The following EFCAB6 variants were observed in gnomAD, a reference collection of about 807,000 sequenced individuals.
EFCAB6 encodes the protein EF-hand calcium binding domain 6.
A neutral mutation model predicts 169.8 loss-of-function variants in EFCAB6; 156 were observed. That is an observed-to-expected ratio of 0.92 (90% CI 0.81 to 1.05). The LOEUF (loss-of-function observed/expected upper bound fraction) is 1.05. Among genes scored for constraint, EFCAB6 ranks in the 50% least tolerant of loss-of-function variants. The pLI is 0.00. For missense variants in EFCAB6, 1,800 were observed against 1,829.1 expected (o/e 0.98, Z 0.29); for synonymous variants, 698 against 676.4 (o/e 1.03, Z -0.50).
In EFCAB6 at chr22:43,537,394, T is replaced by C; in HGVS notation, c.4031A>G (p.Asn1344Ser). 1 of 1,614,004 alleles carries C rather than the reference T, an allele frequency of 6.2e-7. No individual in the cohort carries two copies. The highest frequency in any genetic ancestry group is 8.5e-7 in the Non-Finnish European group (1 of 1,179,974). Reference sequence around the variant, plus strand: ...GAACGAACCCAGGAAATCGGAGGCGTTGATGTCCCCCTGTCTGGCCACGTC... The same window carrying C: ...GAACGAACCCAGGAAATCGGAGGCGCTGATGTCCCCCTGTCTGGCCACGTC... ...EKDVARQGDI[N>S]ASDFLALVEK... Residue 1344 changes from asparagine to serine, a missense_variant, in exon 29 of 32, where the codon AAC becomes AGC. Physicochemically the swap from Asn to Ser is conservative, Grantham distance 46 (BLOSUM62 1). Coordinates refer to ENST00000262726, the MANE Select transcript of EFCAB6 (RefSeq NM_022785.4). This position sits in a 1 kb window ranked among gnomAD's most constrained non-coding sequence, Gnocchi z 4.3.
rs1043236242 is a variant in EFCAB6 at position 43,743,444 on chromosome 22, C to T, written c.508-7451G>A. Among the ~76,000 whole-genome samples, 5 of 152,204 alleles carry T rather than the reference C, an allele frequency of 3.3e-5. No individual in the cohort carries two copies. In the South Asian group the frequency reaches 8.3e-4, roughly 25 times the overall value. ...GAAATGAGGCTTCAAATCCCAGCTC[C>T]GCACCTGTTATTCAGGTAACCTGGG... On this transcript the variant is annotated intron_variant, in intron 6 of 31. Transcript: ENST00000262726.
chr22:43,598,609 G>T (rs893580089), intron 23 of EFCAB6, among the ~76,000 whole-genome samples: 7 of 152,092 alleles, frequency 4.6e-5, no homozygotes, highest in African/African-American at 1.4e-4. Context: ...AAAGTAGCTA[G>T]ATTTAATTGT....
intron 23 of EFCAB6, among the ~76,000 whole-genome samples, chr22:43,592,565 A>G (rs1224401553): frequency 6.6e-6 from 1 of 152,204 alleles, no homozygotes; most frequent in African/African-American, 2.4e-5. Context: ...CACAGAGTAA[A>G]TGAGGGTTTA....
At chr22:43,676,330 T>C (rs1055015340) in intron 13 of EFCAB6, among the ~76,000 whole-genome samples, 5 of 151,096 alleles carry the variant, frequency 3.3e-5, no homozygotes, top group Non-Finnish European at 7.4e-5. Context: ...GGCAGGAGAA[T>C]TGCTTGAACC....
intron 26 of EFCAB6, among the ~76,000 whole-genome samples, chr22:43,568,350 T>G (rs145782391): frequency 6.6e-5 from 10 of 152,330 alleles, no homozygotes; most frequent in Non-Finnish European, 8.8e-5. Flanking sequence ...AAGACTTATT[T>G]GGGACAATAC....
chr22:43,545,939 A>T (rs2048031115), intron 27 of EFCAB6, among the ~76,000 whole-genome samples: 1 of 152,178 alleles, frequency 6.6e-6, no homozygotes, highest in Non-Finnish European at 1.5e-5. Context: ...TGAAATAAAA[A>T]TCACTAAACA....
chr22:43,797,636 CCTA>C (rs1556420876), intron 2 of EFCAB6, among the ~76,000 whole-genome samples: 2 of 152,060 alleles, frequency 1.3e-5, no homozygotes, highest in Non-Finnish European at 2.9e-5. Context: ...CACACACACC[CCTA>C]CTGTGGTCCC....
In EFCAB6 at chr22:43,682,070, C is replaced by T. The variant is rs1177664372; in HGVS notation, c.1251+1677G>A. 6.6e-5 allele frequency among the ~76,000 whole-genome samples: 10 copies of T among 152,168 alleles called. No individual in the cohort carries two copies. In the South Asian group the frequency reaches 8.3e-4, roughly 13 times the overall value. On this transcript the variant is annotated intron_variant, in intron 12 of 31. Coordinates refer to ENST00000262726, the MANE Select transcript of EFCAB6 (RefSeq NM_022785.4). ...GACTGCCCTGAGCAGCCAGGCAAAA[C>T]GCCCAGCCCTGCCCACTCCTGGCTC...
Position 43,735,890 on chromosome 22 carries a change from AAGGTCTCC to A in EFCAB6, c.603_610del (p.Glu202LeufsTer37), listed in dbSNP as rs1258956034. On this transcript the variant is annotated frameshift_variant, in exon 7 of 32. Transcript: ENST00000262726. LOFTEE classifies it high-confidence loss of function. ...TTCCTCGTCTCTTAACTTCATACAGAAGGTCTCCAGAACCCTTCTTAGCTCCTGCGGTC... is the reference window on the plus strand; with the variant it reads ...TTCCTCGTCTCTTAACTTCATACAGAAGAACCCTTCTTAGCTCCTGCGGTC... The A allele has an allele frequency of 3.1e-6, 5 of 1,614,070 alleles. No homozygotes were observed. The highest frequency in any genetic ancestry group is 3.3e-5 in the Admixed American group (2 of 60,008).
In EFCAB6 at chr22:43,660,388, C is replaced by T. The variant is rs1423578634; in HGVS notation, c.1983+6716G>A. ...ACAACAGGCACCCTCAAAATGCCTA[C>T]TGAGAGAAAAGGTGGCAGACAGCTA... On this transcript the variant is annotated intron_variant, in intron 17 of 31. Transcript: ENST00000262726. Among the ~76,000 whole-genome samples, 3 of 152,076 alleles carry T rather than the reference C, an allele frequency of 2.0e-5. No homozygotes were observed. The East Asian group carries it at 5.8e-4, about 29-fold the overall frequency.
intron 13 of EFCAB6, among the ~76,000 whole-genome samples, chr22:43,675,346 A>G (rs1244090913): frequency 7.5e-6 from 1 of 132,546 alleles, no homozygotes; most frequent in Non-Finnish European, 1.6e-5. Flanking sequence ...ATAATATACT[A>G]TATTATACTA....
At chr22:43,775,549 TCTC>T (rs1377122420) in intron 3 of EFCAB6, among the ~76,000 whole-genome samples, 2 of 152,146 alleles carry the variant, frequency 1.3e-5, no homozygotes, top group African/African-American at 4.8e-5. Context: ...TCCAGGCAAT[TCTC>T]CTGCCTCAGC....
intron 26 of EFCAB6, among the ~76,000 whole-genome samples, chr22:43,568,986 T>C (rs2049638726): frequency 1.3e-5 from 2 of 152,212 alleles, no homozygotes; most frequent in Admixed American, 1.3e-4. Flanking sequence ...AAGCCTGGTG[T>C]GGCCCCCTCA....
intron 22 of EFCAB6, among the ~76,000 whole-genome samples, chr22:43,601,775 C>T (rs1293206071): frequency 1.3e-5 from 2 of 152,230 alleles, no homozygotes; most frequent in Non-Finnish European, 2.9e-5. Context: ...TGTGCTAAAA[C>T]TTGCAGAGGC....
chr22:43,794,886 G>C (rs963413126), intron 2 of EFCAB6, among the ~76,000 whole-genome samples: 3 of 152,110 alleles, frequency 2.0e-5, no homozygotes, highest in Admixed American at 6.5e-5. Context: ...CCAAATGATA[G>C]GGTATCACAA....
intron 1 of EFCAB6, among the ~76,000 whole-genome samples, chr22:43,811,407 GA>G (rs199991819): frequency 2.7e-5 from 4 of 150,574 alleles, no homozygotes; most frequent in Admixed American, 1.3e-4. Flanking sequence ...GAAAAGAAAA[GA>G]AAAAAGAAAA....
chr22:43,590,724 G>A lies in EFCAB6; in HGVS notation c.2877-495C>T, dbSNP rs868168324. ...AGAAGACAGAGGTACAGCACGGTGGGACAGTAGGTTTGAAGGCCAAAAAAA... is the reference window on the plus strand; with the variant it reads ...AGAAGACAGAGGTACAGCACGGTGGAACAGTAGGTTTGAAGGCCAAAAAAA... On this transcript the variant is annotated intron_variant, in intron 23 of 31. Coordinates refer to ENST00000262726, the MANE Select transcript of EFCAB6 (RefSeq NM_022785.4). 3.9e-4 allele frequency among the ~76,000 whole-genome samples: 58 copies of A among 147,268 alleles called. 1 individual carries two copies. The highest frequency in any genetic ancestry group is 1.4e-3 in the African/African-American group (57 of 39,692).
intron 12 of EFCAB6, among the ~76,000 whole-genome samples, chr22:43,680,577 T>A (rs764893981): frequency 2.0e-4 from 30 of 152,218 alleles, no homozygotes; most frequent in Non-Finnish European, 4.0e-4. Context: ...TTGTCTCCGA[T>A]CTATAAATAT....
chr22:43,761,136 T>C (rs2061149637), intron 5 of EFCAB6, among the ~76,000 whole-genome samples: 1 of 152,204 alleles, frequency 6.6e-6, no homozygotes, highest in African/African-American at 2.4e-5. Context: ...TCTCTTGCCC[T>C]TCCTCCTTCC....
Sources: allele counts gnomAD v4.1 joint callset (sites outside exome capture counted in the v4.1 genomes callset), GRCh38; gene constraint gnomAD v4.1.1; non-coding constraint Gnocchi (gnomAD v3.1); transcripts MANE v1.5; gene names NCBI Gene and HGNC (gene_info 2026-07-23, HGNC 2026-07-21).